The following NPAS3 variants were observed in gnomAD, a reference collection of about 807,000 sequenced individuals.
The protein encoded by NPAS3 is neuronal PAS domain protein 3.
In NPAS3, 14 loss-of-function variants were observed where a neutral mutation model predicts 73.1. That is an observed-to-expected ratio of 0.19 (90% CI 0.13 to 0.30). NPAS3 has a LOEUF of 0.30. NPAS3 is among the 10% of genes least tolerant of loss of function. The pLI, the probability that NPAS3 is intolerant of heterozygous loss-of-function variation, is 1.00. For synonymous variants in NPAS3, 620 were observed against 541.5 expected (o/e 1.14, Z -2.01); for missense variants, 1,096 against 1,250.0 (o/e 0.88, Z 1.86).
chr14:32,939,470 C>T, intron 1 of NPAS3, 104 bp downstream of exon 1: 1 of 282,332 alleles, frequency 3.5e-6, no homozygotes, highest in Non-Finnish European at 6.5e-6. Context: ...CCTCCTGGGC[C>T]GCGAGCCCGC....
intron 1 of NPAS3, among the ~76,000 whole-genome samples, chr14:32,961,409 CA>C (rs555007306): frequency 0.011 from 627 of 57,278 alleles, 3 homozygotes; most frequent in African/African-American, 0.028. Flanking sequence ...GACTTCATCT[CA>C]AAAAAAAAAA....
intron 1 of NPAS3, among the ~76,000 whole-genome samples, chr14:32,994,128 G>A (rs2038454128): frequency 6.6e-6 from 1 of 152,178 alleles, no homozygotes; most frequent in Non-Finnish European, 1.5e-5. Context: ...GCTGGAGGAA[G>A]GGGGTATAGA....
intron 2 of NPAS3, among the ~76,000 whole-genome samples, chr14:33,069,148 C>T (rs1457184657): frequency 1.3e-5 from 2 of 152,044 alleles, no homozygotes; most frequent in African/African-American, 4.8e-5. Flanking sequence ...TGTACCAAGA[C>T]GAAGTGGATA....
chr14:33,322,233 C>T (rs1211708523), intron 3 of NPAS3, among the ~76,000 whole-genome samples: 2 of 152,164 alleles, frequency 1.3e-5, no homozygotes, highest in African/African-American at 4.8e-5. Context: ...ATTGGAGTGC[C>T]AGCAGGGTTT....
At chr14:33,609,097 C>T (rs920226362) in intron 5 of NPAS3, among the ~76,000 whole-genome samples, 3 of 152,146 alleles carry the variant, frequency 2.0e-5, no homozygotes, top group African/African-American at 7.2e-5. Context: ...TTCATTTCGG[C>T]ACTGAACTTT....
At chr14:33,312,794 A>G (rs2043055926) in intron 3 of NPAS3, among the ~76,000 whole-genome samples, 7 of 152,076 alleles carry the variant, frequency 4.6e-5, no homozygotes, top group Admixed American at 3.9e-4. Flanking sequence ...ATAGAAAACA[A>G]AAGCCTTAGA....
At chr14:33,337,320 A>G (rs989177383) in intron 3 of NPAS3, among the ~76,000 whole-genome samples, 6 of 152,108 alleles carry the variant, frequency 3.9e-5, no homozygotes, top group South Asian at 4.1e-4. Flanking sequence ...CATGTATCCA[A>G]TTGTTCCAGA....
chr14:32,982,761 TAGGATAAAGGAACAGA>T (rs948757479), intron 1 of NPAS3, among the ~76,000 whole-genome samples: 5 of 152,150 alleles, frequency 3.3e-5, no homozygotes, highest in African/African-American at 1.2e-4. Context: ...TTGCTAACTG[TAGGATAAAGGAACAGA>T]AGGAAGGTAA....
At chr14:33,118,893 G>C (rs2043147714) in intron 2 of NPAS3, among the ~76,000 whole-genome samples, 1 of 151,436 alleles carries the variant, frequency 6.6e-6, no homozygotes, top group South Asian at 2.1e-4. Context: ...CTGTTATCTA[G>C]TAGCACATTT....
At chr14:33,610,826 G>T (rs965801928) in intron 5 of NPAS3, among the ~76,000 whole-genome samples, 2 of 152,182 alleles carry the variant, frequency 1.3e-5, no homozygotes, top group African/African-American at 4.8e-5. Flanking sequence ...GCTAGGAGAG[G>T]TTGAAAACAA....
intron 6 of NPAS3, among the ~76,000 whole-genome samples, chr14:33,729,415 GA>G (rs551810503): frequency 5.3e-5 from 8 of 152,194 alleles, no homozygotes; most frequent in Non-Finnish European, 8.8e-5. Flanking sequence ...CCCAAATATT[GA>G]CGGCTTTAAA....
intron 5 of NPAS3, among the ~76,000 whole-genome samples, chr14:33,618,207 G>T (rs2057977486): frequency 1.3e-5 from 2 of 152,060 alleles, no homozygotes; most frequent in African/African-American, 4.8e-5. Context: ...TCATGGACTG[G>T]GGTGGAGGGA....
chr14:33,797,407 A>G, intron 10 of NPAS3, 50 bp from the exon 11 acceptor site: 1 of 1,594,604 alleles, frequency 6.3e-7, no homozygotes, highest in Non-Finnish European at 8.6e-7. Context: ...GTCCAAACAA[A>G]CCATGCAGAA....
chr14:33,432,293 G>C (rs2048816938), intron 4 of NPAS3, among the ~76,000 whole-genome samples: 1 of 152,120 alleles, frequency 6.6e-6, no homozygotes, highest in Admixed American at 6.5e-5. Context: ...CATTTGGTTT[G>C]TGTTGCTATG....
rs776545729 is a variant in NPAS3 at position 33,676,205 on chromosome 14, C to G, written c.559-6C>G. 18 of 1,613,398 alleles carry G rather than the reference C, an allele frequency of 1.1e-5. No individual in the cohort carries two copies. The highest frequency in any genetic ancestry group is 1.4e-5 in the Non-Finnish European group (17 of 1,179,656). On this transcript the variant is annotated splice_polypyrimidine_tract_variant and splice_region_variant and intron_variant, in intron 5 of 11. Transcript: ENST00000356141. Reference sequence around the variant, plus strand: ...TTTCCTTCCCACCCTTTCTCTCGCCCTCTAGGTGGAGCTGACAGGCAGCAG... The same window carrying G: ...TTTCCTTCCCACCCTTTCTCTCGCCGTCTAGGTGGAGCTGACAGGCAGCAG...
At chr14:33,516,134 C>A (rs2053285693) in intron 4 of NPAS3, among the ~76,000 whole-genome samples, 2 of 151,912 alleles carry the variant, frequency 1.3e-5, no homozygotes, top group Admixed American at 1.3e-4. Flanking sequence ...AATTAAGCAC[C>A]TTTGCCTAAG....
intron 4 of NPAS3, among the ~76,000 whole-genome samples, chr14:33,380,044 GA>G (rs147636140): frequency 0.21 from 30,693 of 147,396 alleles, 3,452 homozygotes; most frequent in Non-Finnish European, 0.25. Flanking sequence ...AAGTGGGGGG[GA>G]AAAAGAAAAT....
At chr14:33,799,933 G>T in exon 12 of NPAS3, 1 of 1,614,118 alleles carries the variant, frequency 6.2e-7, no homozygotes, top group South Asian at 1.1e-5. Flanking sequence ...ACCCCAAGGC[G>T]GGCGAGGACG....
intron 3 of NPAS3, among the ~76,000 whole-genome samples, chr14:33,274,998 C>T (rs2041262801): frequency 6.6e-6 from 1 of 152,192 alleles, no homozygotes; most frequent in Non-Finnish European, 1.5e-5. Flanking sequence ...AAATCTGAAT[C>T]ATGAGTTTGC....
Sources: allele counts gnomAD v4.1 joint callset (sites outside exome capture counted in the v4.1 genomes callset), GRCh38; gene constraint gnomAD v4.1.1; transcripts MANE v1.5; gene names NCBI Gene and HGNC (gene_info 2026-07-23, HGNC 2026-07-21).